Variants in ZFPM2 observed in about 807,000 individuals in gnomAD.
ZFPM2 encodes zinc finger protein ZFPM2.
ZFPM2 carries 20 observed loss-of-function variants against 98.6 expected under a neutral mutation model. The observed-to-expected ratio is 0.20, with a 90% CI of 0.14 to 0.29. The LOEUF is 0.29. Among genes scored for constraint, ZFPM2 ranks in the 10% least tolerant of loss-of-function variants. ZFPM2 has a pLI of 1.00. For missense variants in ZFPM2, 1,310 were observed against 1,388.6 expected (o/e 0.94, Z 0.90); for synonymous variants, 518 against 502.7 (o/e 1.03, Z -0.41).
At chr8:105,384,643 A>G (rs994909840) in intron 1 of ZFPM2, among the ~76,000 whole-genome samples, 1 of 152,120 alleles carries the variant, frequency 6.6e-6, no homozygotes, top group Admixed American at 6.5e-5. Context: ...GGGAACAAAC[A>G]TTAACCCGTT....
At chr8:105,551,994 T>C (rs1455438642) in intron 3 of ZFPM2, among the ~76,000 whole-genome samples, 1 of 152,196 alleles carries the variant, frequency 6.6e-6, no homozygotes, top group East Asian at 1.9e-4. Flanking sequence ...GACAGCAGCC[T>C]ATGAAAAGCA....
Position 105,611,336 on chromosome 8 carries a change from C to T in ZFPM2, c.421-22910C>T, listed in dbSNP as rs184477970. On this transcript the variant is annotated intron_variant, in intron 4 of 7. Coordinates refer to ENST00000407775, the MANE Select transcript of ZFPM2 (RefSeq NM_012082.4). ...AACAGCTTAATAATTATAGATAAAT[C>T]AGTGGCATAGCAATCATTCATTCCT... 3.3e-5 allele frequency among the ~76,000 whole-genome samples: 5 copies of T among 152,298 alleles called. No individual in the cohort carries two copies. In the East Asian group the frequency reaches 9.6e-4, roughly 29 times the overall value.
At position 105,703,811 on chromosome 8, in the gene ZFPM2, A is replaced by T. The variant is rs763085843; in HGVS notation, c.532+69454A>T. Among the ~76,000 whole-genome samples the T allele has an allele frequency of 1.6e-4, 24 of 152,324 alleles. No individual in the cohort carries two copies. In the South Asian group the frequency reaches 2.5e-3, roughly 16 times the overall value. ...TGTTCAGGGCAATATGGCTCAGGTCATATTTAAAGAATCAACTGTTTTAAT... is the reference window on the plus strand; with the variant it reads ...TGTTCAGGGCAATATGGCTCAGGTCTTATTTAAAGAATCAACTGTTTTAAT... On this transcript the variant is annotated intron_variant, in intron 5 of 7. Transcript: ENST00000407775.
At position 105,569,962 on chromosome 8, in the gene ZFPM2, T is replaced by G. The variant is rs554117022; in HGVS notation, c.420+8481T>G. Among the ~76,000 whole-genome samples, 8 of 152,248 alleles carry G rather than the reference T, an allele frequency of 5.3e-5. No homozygotes were observed. The South Asian group carries it at 8.3e-4, about 16-fold the overall frequency. On this transcript the variant is annotated intron_variant, in intron 4 of 7. Coordinates refer to ENST00000407775, the MANE Select transcript of ZFPM2 (RefSeq NM_012082.4). ...CAAGATTGTTCCAAGAGAAGACAAA[T>G]GTACTGATTCCTCTAATTGGGCTTA...
chr8:105,781,096 T>C (rs1340509482), intron 5 of ZFPM2, among the ~76,000 whole-genome samples: 1 of 152,166 alleles, frequency 6.6e-6, no homozygotes, highest in Non-Finnish European at 1.5e-5. Context: ...TCCAGAGAGC[T>C]TCTAAAATAT....
chr8:105,608,872 T>C (rs1816249256), intron 4 of ZFPM2, among the ~76,000 whole-genome samples: 1 of 152,056 alleles, frequency 6.6e-6, no homozygotes, highest in Non-Finnish European at 1.5e-5. Context: ...AGTTAAGTGA[T>C]TCATGAACAT....
chr8:105,441,213 T>C (rs1812231973), intron 2 of ZFPM2, among the ~76,000 whole-genome samples: 1 of 151,694 alleles, frequency 6.6e-6, no homozygotes, highest in South Asian at 2.1e-4. Context: ...GACCTTACCT[T>C]GCATTTTCAT....
intron 5 of ZFPM2, among the ~76,000 whole-genome samples, chr8:105,747,985 G>A (rs576035239): frequency 6.6e-6 from 1 of 152,030 alleles, no homozygotes; most frequent in Non-Finnish European, 1.5e-5. Context: ...TTGGTATATA[G>A]GCATTTGTAT....
chr8:105,773,103 C>T (rs1421257747), intron 5 of ZFPM2, among the ~76,000 whole-genome samples: 2 of 152,140 alleles, frequency 1.3e-5, no homozygotes, highest in Non-Finnish European at 2.9e-5. Context: ...CTCTTTTCTT[C>T]TGGCTGACTT....
intron 5 of ZFPM2, among the ~76,000 whole-genome samples, chr8:105,751,680 C>T (rs1812479685): frequency 6.6e-6 from 1 of 151,978 alleles, no homozygotes; most frequent in African/African-American, 2.4e-5. Context: ...TGACTGCTTA[C>T]TTCCCTTTCT....
At chr8:105,778,408 A>C (rs1391609375) in intron 5 of ZFPM2, among the ~76,000 whole-genome samples, 1 of 152,104 alleles carries the variant, frequency 6.6e-6, no homozygotes, top group African/African-American at 2.4e-5. Context: ...GAAGTTAATG[A>C]CCAAACAAGT....
At chr8:105,790,203 G>C (rs1179514677) in intron 6 of ZFPM2, among the ~76,000 whole-genome samples, 1 of 150,994 alleles carries the variant, frequency 6.6e-6, no homozygotes, top group Non-Finnish European at 1.5e-5. Flanking sequence ...TTCTTCTAGG[G>C]TTTTTATGGT....
At chr8:105,472,054 T>C (rs1563674743) in intron 3 of ZFPM2, among the ~76,000 whole-genome samples, 1 of 152,216 alleles carries the variant, frequency 6.6e-6, no homozygotes, top group Non-Finnish European at 1.5e-5. Context: ...TGATGATCTC[T>C]GAGAACCTGT....
intron 4 of ZFPM2, among the ~76,000 whole-genome samples, chr8:105,597,164 A>G (rs1483712123): frequency 5.3e-5 from 8 of 152,016 alleles, no homozygotes; most frequent in Non-Finnish European, 1.0e-4. Context: ...AATGAATGTT[A>G]GGGCCCTGTT....
chr8:105,657,775 A>G (rs1431289148), intron 5 of ZFPM2, among the ~76,000 whole-genome samples: 2 of 152,232 alleles, frequency 1.3e-5, no homozygotes, highest in East Asian at 3.8e-4. Flanking sequence ...GGATAGAGTC[A>G]TAATTTGGAT....
chr8:105,557,862 C>A (rs900106883), intron 3 of ZFPM2, among the ~76,000 whole-genome samples: 1 of 152,124 alleles, frequency 6.6e-6, no homozygotes, highest in African/African-American at 2.4e-5. Flanking sequence ...AAGTCTGTGA[C>A]CCACCAGCCC....
intron 3 of ZFPM2, among the ~76,000 whole-genome samples, chr8:105,532,766 G>T (rs1400055483): frequency 6.6e-6 from 1 of 152,120 alleles, no homozygotes; most frequent in Non-Finnish European, 1.5e-5. Context: ...GGGGTACAAG[G>T]TACCTGCTCT....
intron 5 of ZFPM2, among the ~76,000 whole-genome samples, chr8:105,773,842 T>C (rs968848849): frequency 2.6e-5 from 4 of 152,094 alleles, no homozygotes; most frequent in Admixed American, 2.6e-4. Flanking sequence ...TGGTTACTTT[T>C]TGTAAAAGAC....
chr8:105,619,706 C>G (rs1206416881), intron 4 of ZFPM2, among the ~76,000 whole-genome samples: 2 of 150,830 alleles, frequency 1.3e-5, no homozygotes, highest in African/African-American at 4.9e-5. Context: ...GCGACAGGCC[C>G]CAGTGTGATG....
Sources: allele counts gnomAD v4.1 joint callset (sites outside exome capture counted in the v4.1 genomes callset), GRCh38; gene constraint gnomAD v4.1.1; transcripts MANE v1.5; gene names NCBI Gene and HGNC (gene_info 2026-07-23, HGNC 2026-07-21).